TXLNG: variants seen among roughly 807,000 people sequenced by gnomAD.
TXLNG encodes taxilin gamma, also known as gamma-taxilin.
In TXLNG, 5 loss-of-function variants were observed where a neutral mutation model predicts 38.8. The ratio of observed to expected loss-of-function variants is 0.13; its 90% CI spans 0.07 to 0.27. The LOEUF (loss-of-function observed/expected upper bound fraction) is 0.27. TXLNG is among the 10% of genes least tolerant of loss of function. The pLI is 1.00. For missense variants in TXLNG, 393 were observed against 398.2 expected (o/e 0.99, Z 0.11); for synonymous variants, 182 against 158.2 (o/e 1.15, Z -1.13).
chrX:16,840,489 C>G, intron 9 of TXLNG: 1 of 752,043 alleles, frequency 1.3e-6, no homozygotes, highest in Non-Finnish European at 1.6e-6. Context: ...GAACCTTGTT[C>G]TCGGCTGGGC....
In TXLNG at chrX:16,832,346, A is replaced by G. The variant is rs748671831; in HGVS notation, c.865-277A>G. The stretch of plus-strand genomic sequence containing the variant: ...TGTGGGGCAGAAATAGGAAATACCA[A>G]GCTGGTGAGGGGGACAGCCCATGTC... On this transcript the variant is annotated intron_variant, in intron 5 of 9. Coordinates refer to ENST00000380122, the MANE Select transcript of TXLNG (RefSeq NM_018360.3). 4.4e-5 allele frequency among the ~76,000 whole-genome samples: 5 copies of G among 112,573 alleles called. 1 individual carries two copies. The highest frequency in any genetic ancestry group is 7.4e-4 in the South Asian group (2 of 2,713).
At chrX:16,800,031 C>T (rs1928029522) in intron 1 of TXLNG, among the ~76,000 whole-genome samples, 1 of 108,292 alleles carries the variant, frequency 9.2e-6, no homozygotes, top group Non-Finnish European at 1.9e-5. Flanking sequence ...CCACCGCCTC[C>T]GGAGTTCAAG....
chrX:16,804,422 G>A (rs938040362), intron 1 of TXLNG, among the ~76,000 whole-genome samples: 1 of 111,066 alleles, frequency 9.0e-6, no homozygotes, highest in Non-Finnish European at 1.9e-5. Flanking sequence ...GAATTGTTGG[G>A]TGAAAATGCA....
chrX:16,828,102 G>A lies in TXLNG; in HGVS notation c.507G>A (p.Glu169=). The part of the protein sequence containing the change: ...LCKKYADLLE[E]SRSVQKQMKI... ...GTGCTTATGAATTTTAGCTGGAGGA[G>A]AGCAGGAGTGTTCAGAAGCAAATGA... The change falls in exon 4 of 10, where the codon GAG becomes GAA. Residue 169 remains glutamate (E), a synonymous_variant. Transcript: ENST00000380122. 1 of 1,206,803 alleles carries A rather than the reference G, an allele frequency of 8.3e-7. No homozygotes were observed.
rs891013801 is a variant in TXLNG at position 16,842,435 on chromosome X, C to G, written c.*669C>G. Reference sequence around the variant, plus strand: ...ACAAATAAGCTTAGTGTTTACGTGACTGAACAGTCATCCTGCTTTGGTTTC... The same window carrying G: ...ACAAATAAGCTTAGTGTTTACGTGAGTGAACAGTCATCCTGCTTTGGTTTC... On this transcript the variant is annotated 3_prime_UTR_variant, in exon 10 of 10. Transcript: ENST00000380122. 4.5e-5 allele frequency: 5 copies of G among 111,600 alleles called. No individual in the cohort carries two copies. The highest frequency in any genetic ancestry group is 1.3e-4 in the African/African-American group (4 of 30,653). 9.2% of individuals were successfully genotyped at this position (111,600 alleles called of 1,213,427 possible).
Position 16,841,985 on chromosome X carries a change from T to C in TXLNG, c.*219T>C. 1 of 406,380 alleles carries C rather than the reference T, an allele frequency of 2.5e-6. No individual in the cohort carries two copies. The highest frequency in any genetic ancestry group is 4.2e-6 in the Non-Finnish European group (1 of 235,807). The allele number at this position is 406,380 out of a possible 1,213,427, so 33.5% of individuals were successfully genotyped here. A position where few individuals can be genotyped will look rare whatever the true frequency, so the allele number is the denominator to read the frequency against. On this transcript the variant is annotated 3_prime_UTR_variant, in exon 10 of 10. Coordinates refer to ENST00000380122, the MANE Select transcript of TXLNG (RefSeq NM_018360.3). ...GCTGTGTTGCACATCAGCCTCGTTC[T>C]CCCTCCACTGGAATGCATGTGTTCA...
At chrX:16,800,487 A>G (rs1258051815) in intron 1 of TXLNG, among the ~76,000 whole-genome samples, 4 of 110,047 alleles carry the variant, frequency 3.6e-5, no homozygotes, top group Non-Finnish European at 7.6e-5. Context: ...GACTCAAACA[A>G]TCTGCCCACC....
intron 1 of TXLNG, among the ~76,000 whole-genome samples, chrX:16,812,689 G>GCCTTTTTTTT (rs1928570109): frequency 1.2e-5 from 1 of 80,919 alleles, no homozygotes; most frequent in Non-Finnish European, 2.2e-5. Flanking sequence ...ACTGCGGCCA[G>GCCTTTTTTTT]CCTTTTTTTT....
chrX:16,839,186 T>C (rs1929705577), intron 8 of TXLNG: 1 of 112,114 alleles, frequency 8.9e-6, no homozygotes, highest in Non-Finnish European at 1.9e-5. Context: ...CCACTTTATC[T>C]TTAGCAAAAT....
At chrX:16,788,123 A>C (rs1013435965) in intron 1 of TXLNG, among the ~76,000 whole-genome samples, 2 of 112,349 alleles carry the variant, frequency 1.8e-5, no homozygotes, top group African/African-American at 6.5e-5. Context: ...TTATTCCCTA[A>C]GGGTGGAGTG....
chrX:16,827,512 G>C (rs1929213120), intron 3 of TXLNG, among the ~76,000 whole-genome samples: 1 of 111,577 alleles, frequency 9.0e-6, no homozygotes, highest in African/African-American at 3.3e-5. Context: ...CCAGTTGAAG[G>C]GCATCATCCT....
intron 1 of TXLNG, among the ~76,000 whole-genome samples, chrX:16,798,377 C>G (rs1927960918): frequency 8.9e-6 from 1 of 111,979 alleles, no homozygotes; most frequent in Non-Finnish European, 1.9e-5. Context: ...GCAACAAGTA[C>G]TGTTGTTTGC....
chrX:16,811,302 T>G (rs1007287896), intron 1 of TXLNG, among the ~76,000 whole-genome samples: 1 of 112,144 alleles, frequency 8.9e-6, no homozygotes, highest in Non-Finnish European at 1.9e-5. Flanking sequence ...AATATTCTTC[T>G]TTATGCCATA....
At chrX:16,836,669 A>G (rs1326341573) in intron 7 of TXLNG, among the ~76,000 whole-genome samples, 2 of 112,349 alleles carry the variant, frequency 1.8e-5, no homozygotes, top group African/African-American at 6.5e-5. Flanking sequence ...CCTGTGCGCT[A>G]GGTGGTGCTG....
chrX:16,794,769 G>A (rs890798051), intron 1 of TXLNG, among the ~76,000 whole-genome samples: 2 of 111,564 alleles, frequency 1.8e-5, no homozygotes, highest in Non-Finnish European at 3.8e-5. Flanking sequence ...GATGCTAGTT[G>A]TGTGACCCAG....
chrX:16,792,495 T>G (rs1485502105), intron 1 of TXLNG, among the ~76,000 whole-genome samples: 2 of 111,426 alleles, frequency 1.8e-5, no homozygotes, highest in African/African-American at 3.3e-5. Flanking sequence ...ATTTATAAAG[T>G]ATGGGCCAGG....
intron 1 of TXLNG, among the ~76,000 whole-genome samples, chrX:16,802,274 A>C: frequency 1.2e-5 from 1 of 85,552 alleles, no homozygotes; most frequent in African/African-American, 4.6e-5. Flanking sequence ...TTTTTTAGAC[A>C]CAGTCTTACT....
intron 1 of TXLNG, among the ~76,000 whole-genome samples, chrX:16,810,741 TAC>T (rs902782165): frequency 5.4e-5 from 6 of 111,999 alleles, no homozygotes; most frequent in African/African-American, 1.6e-4. Context: ...CAGGCTGGAG[TAC>T]AGTGGTGTGA....
At chrX:16,787,274 G>T (rs1927527460) in intron 1 of TXLNG, among the ~76,000 whole-genome samples, 1 of 112,221 alleles carries the variant, frequency 8.9e-6, no homozygotes, top group Non-Finnish European at 1.9e-5. Flanking sequence ...GTGGGGCCGG[G>T]GATGGATGGG....
Sources: gnomAD v4.1 joint callset for allele counts (sites outside exome capture counted in the v4.1 genomes callset) on GRCh38, gnomAD v4.1.1 for gene constraint, MANE v1.5 for transcripts, NCBI Gene and HGNC (gene_info 2026-07-23, HGNC 2026-07-21) for gene names.